The following P4HA2 variants were observed in gnomAD, a reference collection of about 807,000 sequenced individuals.
P4HA2 encodes the protein prolyl 4-hydroxylase subunit alpha 2, also known as prolyl 4-hydroxylase subunit alpha-2.
Under a neutral mutation model 76.9 loss-of-function variants are expected in P4HA2, and 46 were observed. The ratio of observed to expected loss-of-function variants is 0.60; its 90% CI spans 0.47 to 0.76. The LOEUF (loss-of-function observed/expected upper bound fraction) is 0.76. Among genes scored for constraint, P4HA2 ranks in the 30% least tolerant of loss-of-function variants. The pLI is 0.00. For missense variants in P4HA2, 583 were observed against 669.4 expected (o/e 0.87, Z 1.42); for synonymous variants, 243 against 254.0 (o/e 0.96, Z 0.41).
intron 5 of P4HA2, among the ~76,000 whole-genome samples, chr5:132,211,456 G>T: frequency 6.6e-6 from 1 of 152,188 alleles, no homozygotes; most frequent in Non-Finnish European, 1.5e-5. Flanking sequence ...TGACACAAAA[G>T]AACTCAGAGA....
intron 8 of P4HA2, 62 bp from the exon 9 acceptor site, chr5:132,204,214 T>C (rs1016232975): frequency 1.5e-6 from 2 of 1,353,240 alleles, no homozygotes; most frequent in African/African-American, 2.9e-5. Context: ...CCTTGAATAT[T>C]TTCCCAGAGA....
chr5:132,218,698 T>G (rs1215940900), intron 1 of P4HA2, 54 bp from the exon 2 acceptor site: 2 of 1,090,670 alleles, frequency 1.8e-6, no homozygotes, highest in Non-Finnish European at 1.4e-6. Context: ...AAGACTAATT[T>G]AGGTGAGGAG....
intron 12 of P4HA2, among the ~76,000 whole-genome samples, chr5:132,197,006 C>A (rs1426308780): frequency 6.6e-6 from 1 of 152,114 alleles, no homozygotes; most frequent in African/African-American, 2.4e-5. Context: ...AATAACCACA[C>A]AATAAAAGCA....
chr5:132,201,315 C>T (rs970856678), intron 10 of P4HA2: 2 of 152,202 alleles, frequency 1.3e-5, no homozygotes, highest in Non-Finnish European at 2.9e-5. Context: ...GCCTCAATTA[C>T]CTTTTTCCTT....
chr5:132,208,053 C>A (rs546574109), intron 7 of P4HA2, among the ~76,000 whole-genome samples, 169 bp from the exon 8 acceptor site: 1 of 151,952 alleles, frequency 6.6e-6, no homozygotes, highest in Non-Finnish European at 1.5e-5. Context: ...GTGGCTCATG[C>A]CTGTAATCCG....
chr5:132,198,140 T>A, intron 12 of P4HA2, 181 bp downstream of exon 12: 1 of 1,604,090 alleles, frequency 6.2e-7, no homozygotes, highest in Admixed American at 1.7e-5. Flanking sequence ...CTGATGGGGG[T>A]GGGATATAAG....
intron 5 of P4HA2, among the ~76,000 whole-genome samples, chr5:132,211,921 T>C (rs1287693266): frequency 1.3e-5 from 2 of 152,236 alleles, no homozygotes; most frequent in East Asian, 1.9e-4. Flanking sequence ...CTCCCCAGGA[T>C]GCTAATGACC....
At chr5:132,206,681 C>T (rs1419944397) in intron 8 of P4HA2, among the ~76,000 whole-genome samples, 1 of 152,134 alleles carries the variant, frequency 6.6e-6, no homozygotes, top group African/African-American at 2.4e-5. Flanking sequence ...CAACAGCCAA[C>T]TGCATTCTTA....
At position 132,190,308 on chromosome 5, in the gene P4HA2, T is replaced by A. The variant is rs1250577725; in HGVS notation, c.*2702A>T. Among the ~76,000 whole-genome samples the A allele has an allele frequency of 6.6e-6, 1 of 152,224 alleles. No individual in the cohort carries two copies. The highest frequency in any genetic ancestry group is 1.9e-4 in the East Asian group (1 of 5,198). ...CTCAGCTGCAAGCTCATCCTTGTAG[T>A]CTCTACTGTTCTACTGTAGCTGCCA... On this transcript the variant is annotated 3_prime_UTR_variant, in exon 15 of 15. Coordinates refer to ENST00000360568, the MANE Select transcript of P4HA2 (RefSeq NM_001017974.2).
chr5:132,220,362 G>A (rs1276088485), intron 1 of P4HA2, among the ~76,000 whole-genome samples: 1 of 152,220 alleles, frequency 6.6e-6, no homozygotes, highest in Non-Finnish European at 1.5e-5. Flanking sequence ...TATGTAGGGA[G>A]GGGACAGTGA....
chr5:132,218,601 A>G lies in P4HA2; in HGVS notation c.26T>C (p.Leu9Pro). The G allele has an allele frequency of 6.2e-7, 1 of 1,613,986 alleles. No homozygotes were observed. The highest frequency in any genetic ancestry group is 8.5e-7 in the Non-Finnish European group (1 of 1,179,816). The change falls in exon 2 of 15, where the codon CTG becomes CCG. Residue 9 changes from leucine to proline, a missense_variant. Physicochemically the swap from Leu to Pro is moderately conservative, Grantham distance 98 (BLOSUM62 -3). Transcript: ENST00000360568. ...GCTCAGGACACCAAACCAGGCCATC[A>G]GCAATGCAGACACCCAGAGTTTCAT... MKLWVSAL[L>P]MAWFGVLSCV...
chr5:132,205,483 T>C (rs1752089319), intron 8 of P4HA2, among the ~76,000 whole-genome samples: 1 of 151,892 alleles, frequency 6.6e-6, no homozygotes, highest in South Asian at 2.1e-4. Context: ...AAAATGTGAA[T>C]GTAAAATGGA....
At chr5:132,195,982 C>T (rs79491266) in intron 12 of P4HA2, among the ~76,000 whole-genome samples, 2 of 152,176 alleles carry the variant, frequency 1.3e-5, no homozygotes, top group African/African-American at 4.8e-5. Context: ...CTGGGGCCAA[C>T]TGAGTGGAAG....
At position 132,194,933 on chromosome 5, in the gene P4HA2, G is replaced by A; in HGVS notation, c.1524C>T (p.Cys508=). The change falls in exon 14 of 15, where the codon TGC becomes TGT. Residue 508 remains cysteine (C), a synonymous_variant. Transcript: ENST00000360568. The part of the protein sequence containing the change: ...RHAACPVLVG[C]KWVSNKWFHE... ...ACCCCTTAAGACACTCACCCCACTT[G>A]CAGCCCACAAGCACAGGGCAGGCAG... The A allele has an allele frequency of 1.2e-6, 2 of 1,608,988 alleles. No individual in the cohort carries two copies. Among genetic ancestry groups the A allele is most frequent in the Non-Finnish European group, 1.7e-6 (2 of 1,175,324 alleles).
In P4HA2 at chr5:132,190,302, T is replaced by G. The variant is rs1471723226; in HGVS notation, c.*2708A>C. On this transcript the variant is annotated 3_prime_UTR_variant, in exon 15 of 15. Coordinates refer to ENST00000360568, the MANE Select transcript of P4HA2 (RefSeq NM_001017974.2). ...TCTATTCTCAGCTGCAAGCTCATCCTTGTAGTCTCTACTGTTCTACTGTAG... is the reference window on the plus strand; with the variant it reads ...TCTATTCTCAGCTGCAAGCTCATCCGTGTAGTCTCTACTGTTCTACTGTAG... Among the ~76,000 whole-genome samples the G allele has an allele frequency of 6.6e-6, 1 of 152,242 alleles. No individual in the cohort carries two copies. Among genetic ancestry groups the G allele is most frequent in the Admixed American group, 6.5e-5 (1 of 15,282 alleles).
chr5:132,209,914 T>C (rs1172086203), intron 6 of P4HA2, among the ~76,000 whole-genome samples: 1 of 152,188 alleles, frequency 6.6e-6, no homozygotes, highest in Non-Finnish European at 1.5e-5. Flanking sequence ...GCACCGCTAC[T>C]GTTTGTCACT....
chr5:132,222,736 A>G (rs551920946), intron 1 of P4HA2, among the ~76,000 whole-genome samples: 4 of 152,352 alleles, frequency 2.6e-5, no homozygotes, highest in African/African-American at 9.6e-5. Flanking sequence ...CAAGATGTTT[A>G]TCTGTATCTA....
chr5:132,220,379 A>ACTGTCCCCTGG (rs1434459653), intron 1 of P4HA2, among the ~76,000 whole-genome samples: 2 of 152,212 alleles, frequency 1.3e-5, no homozygotes, highest in African/African-American at 4.8e-5. Context: ...GTGAAAACAT[A>ACTGTCCCCTGG]GAGCTGGGAG....
In P4HA2 at chr5:132,190,316, G is replaced by A. The variant is rs1210771210; in HGVS notation, c.*2694C>T. On this transcript the variant is annotated 3_prime_UTR_variant, in exon 15 of 15. Transcript: ENST00000360568. ...CAAGCTCATCCTTGTAGTCTCTACT[G>A]TTCTACTGTAGCTGCCACTCTGTAA... Among the ~76,000 whole-genome samples the A allele has an allele frequency of 6.6e-6, 1 of 152,164 alleles. No homozygotes were observed. Among genetic ancestry groups the A allele is most frequent in the Admixed American group, 6.5e-5 (1 of 15,282 alleles).
Sources: allele counts gnomAD v4.1 joint callset (sites outside exome capture counted in the v4.1 genomes callset), GRCh38; gene constraint gnomAD v4.1.1; transcripts MANE v1.5; gene names NCBI Gene and HGNC (gene_info 2026-07-23, HGNC 2026-07-21).